MGAM: variants seen among roughly 807,000 people sequenced by gnomAD.
MGAM encodes the protein maltase-glucoamylase.
In MGAM, 253 loss-of-function variants were observed where a neutral mutation model predicts 358.8. That is an observed-to-expected ratio of 0.71 (90% CI 0.64 to 0.78). MGAM has a LOEUF of 0.78. Among genes scored for constraint, MGAM ranks in the 30% least tolerant of loss-of-function variants. MGAM has a pLI of 0.00. For synonymous variants in MGAM, 1,105 were observed against 1,227.1 expected, an observed-to-expected ratio of 0.90 and a Z score of 2.08; for missense variants, 3,080 against 3,432.6, an observed-to-expected ratio of 0.90 and a Z score of 2.57.
chr7:142,034,524 T>C (rs552027186), intron 15 of MGAM, 145 bp downstream of exon 15: 1 of 975,250 alleles, frequency 1.0e-6, no homozygotes, highest in Non-Finnish European at 1.5e-6. Flanking sequence ...TACAGAATGC[T>C]CCCAACAGGG....
intron 16 of MGAM, 85 bp downstream of exon 16, chr7:142,034,926 T>C: frequency 7.5e-7 from 1 of 1,328,590 alleles, no homozygotes; most frequent in Non-Finnish European, 1.0e-6. Context: ...AAAGCTCCCC[T>C]CTCCTGCCTG....
rs550979597 is a variant in MGAM, at chr7:142,055,546, T to A, written c.3315-12T>A. ...TCATTTTCTGTTTCAAATCTGCGTT[T>A]TTGTGTTTCAGTTGGGACTCTCAGC... On this transcript the variant is annotated splice_polypyrimidine_tract_variant and intron_variant, in intron 27 of 70. Coordinates refer to ENST00000475668, the MANE Select transcript of MGAM (RefSeq NM_001365693.1). 192 of 1,613,960 alleles carry A rather than the reference T, an allele frequency of 1.2e-4. 4 individuals carry two copies. The South Asian group carries it at 2.0e-3, about 17-fold the overall frequency.
chr7:142,099,613 GGT>G lies in MGAM; in HGVS notation c.7754_7755del (p.Val2585GlyfsTer3). The G allele has an allele frequency of 1.9e-6, 3 of 1,613,826 alleles. No individual in the cohort carries two copies. The highest frequency in any genetic ancestry group is 2.5e-6 in the Non-Finnish European group (3 of 1,179,794). ...ATCTCTTACCTTCTTCTGCCTCCAG[GGT>G]GTGGATATTAATGCAAGAGGAGAGT... ...PRARWYDYYT[G>X]VDINARGEWK... On this transcript the variant is annotated frameshift_variant and splice_region_variant, in exon 67 of 71. Transcript: ENST00000475668. LOFTEE classifies it high-confidence loss of function.
chr7:142,007,191 T>A (rs1271267113), intron 2 of MGAM, among the ~76,000 whole-genome samples: 1 of 152,156 alleles, frequency 6.6e-6, no homozygotes, highest in African/African-American at 2.4e-5. Context: ...ACAATCTACT[T>A]TGAGTTTATT....
chr7:142,035,572 C>T (rs1554465502), intron 16 of MGAM, among the ~76,000 whole-genome samples: 1 of 151,894 alleles, frequency 6.6e-6, no homozygotes. Context: ...ATTTTTTCAT[C>T]TGACTAATCA....
Position 142,032,765 on chromosome 7 carries a change from C to T in MGAM, c.1585-60C>T. On this transcript the variant is annotated intron_variant, in intron 13 of 70. Coordinates refer to ENST00000475668, the MANE Select transcript of MGAM (RefSeq NM_001365693.1). Reference sequence around the variant, plus strand: ...CTGATTAATTAAAAAAAGACACCATCACGACATCATAAGATAACATGTTAC... The same window carrying T: ...CTGATTAATTAAAAAAAGACACCATTACGACATCATAAGATAACATGTTAC... The T allele has an allele frequency of 4.0e-6, 4 of 1,007,988 alleles. No homozygotes were observed. In the Middle Eastern group the frequency reaches 6.3e-4, roughly 158 times the overall value. The allele number at this position is 1,007,988 out of a possible 1,614,324, so 62.4% of individuals were successfully genotyped here.
intron 42 of MGAM, among the ~76,000 whole-genome samples, chr7:142,067,967 T>A (rs1218852302): frequency 1.6e-3 from 14 of 8,552 alleles, no homozygotes; most frequent in African/African-American, 2.1e-3. Flanking sequence ...TATATATAAA[T>A]ATATATATAT....
At chr7:142,022,022 T>C (rs1554459044) in intron 6 of MGAM, among the ~76,000 whole-genome samples, 1 of 152,106 alleles carries the variant, frequency 6.6e-6, no homozygotes, top group Non-Finnish European at 1.5e-5. Flanking sequence ...CTATCGTAAG[T>C]ATAGTGTTCT....
chr7:142,000,357 C>T (rs1301235143), intron 1 of MGAM, among the ~76,000 whole-genome samples: 1 of 152,094 alleles, frequency 6.6e-6, no homozygotes, highest in African/African-American at 2.4e-5. Flanking sequence ...TTTCCATAGT[C>T]CTGCTTGAAT....
intron 4 of MGAM, 58 bp from the exon 5 acceptor site, chr7:142,020,916 C>A: frequency 8.5e-7 from 1 of 1,172,530 alleles, no homozygotes; most frequent in Non-Finnish European, 1.3e-6. Flanking sequence ...TTTTATGTAG[C>A]TATTATTTGA....
intron 33 of MGAM, 87 bp from the exon 34 acceptor site, chr7:142,060,224 A>G: frequency 9.1e-6 from 14 of 1,544,466 alleles, no homozygotes; most frequent in Non-Finnish European, 1.2e-5. Context: ...TGCTCCTAGG[A>G]GCACGGTTTG....
At chr7:142,043,252 TATA>T (rs1346520554) in intron 21 of MGAM, among the ~76,000 whole-genome samples, 1 of 10,862 alleles carries the variant, frequency 9.2e-5, no homozygotes, top group East Asian at 5.0e-3. Flanking sequence ...TATATATACA[TATA>T]ATATCTAAAT....
chr7:142,102,657 T>C lies in MGAM; in HGVS notation c.7991T>C (p.Leu2664Ser). 1 of 1,613,490 alleles carries C rather than the reference T, an allele frequency of 6.2e-7. No homozygotes were observed. The highest frequency in any genetic ancestry group is 1.1e-5 in the South Asian group (1 of 90,902). ...IDTYGKGLYYLASFSASQNTM... is the reference protein window; with the variant it reads ...IDTYGKGLYYSASFSASQNTM... ...ACCTATGGGAAAGGACTCTATTACT[T>C]GGCCAGCTTTTCTGCCAGCCAGGTG... The change falls in exon 69 of 71, where the codon TTG becomes TCG. Residue 2664 changes from leucine (L) to serine (S), a missense_variant. Transcript: ENST00000475668.
At chr7:141,995,282 C>T (rs1467106895), upstream of MGAM, among the ~76,000 whole-genome samples, 2 of 151,184 alleles carry the variant, frequency 1.3e-5, no homozygotes, top group East Asian at 1.9e-4. Context: ...CATAATTTAG[C>T]CTGGGAGGTT....
chr7:142,053,066 A>C, intron 26 of MGAM, 82 bp downstream of exon 26: 2 of 1,429,110 alleles, frequency 1.4e-6, no homozygotes, highest in Non-Finnish European at 1.9e-6. Context: ...ACAGAACCCT[A>C]AAATAAGTTA....
At chr7:142,047,419 G>A (rs1810496013) in intron 21 of MGAM, among the ~76,000 whole-genome samples, 1 of 152,086 alleles carries the variant, frequency 6.6e-6, no homozygotes, top group African/African-American at 2.4e-5. Flanking sequence ...TCTACTGAGG[G>A]CATCATTGCT....
At chr7:142,027,828 G>T in intron 10 of MGAM, 93 bp downstream of exon 10, 2 of 1,309,022 alleles carry the variant, frequency 1.5e-6, no homozygotes, top group East Asian at 2.7e-5. Flanking sequence ...GAGTTTAATT[G>T]ATTTATTTAT....
intron 1 of MGAM, among the ~76,000 whole-genome samples, chr7:141,999,170 A>G (rs1554449863): frequency 6.6e-6 from 1 of 152,194 alleles, no homozygotes; most frequent in Non-Finnish European, 1.5e-5. Context: ...CTTAATAAAT[A>G]ATTCATGAAT....
rs191412643 is a variant in MGAM, at chr7:142,031,130, A to G, written c.1470+373A>G. 2.9e-4 allele frequency among the ~76,000 whole-genome samples: 44 copies of G among 152,244 alleles called. No individual in the cohort carries two copies. The East Asian group carries it at 6.2e-3, about 21-fold the overall frequency. ...CTGGTAAGTCCAGCGGAACTGTTTC[A>G]TACCTCTTCTTACTCAATTTTCCTG... On this transcript the variant is annotated intron_variant, in intron 12 of 70. Coordinates refer to ENST00000475668, the MANE Select transcript of MGAM (RefSeq NM_001365693.1).
Sources: gnomAD v4.1 joint callset for allele counts (sites outside exome capture counted in the v4.1 genomes callset) on GRCh38, gnomAD v4.1.1 for gene constraint, MANE v1.5 for transcripts, NCBI Gene and HGNC (gene_info 2026-07-23, HGNC 2026-07-21) for gene names.